Variants in SLC26A8 observed in about 807,000 individuals in gnomAD.
SLC26A8 encodes the protein solute carrier family 26 member 8, also known as testis anion transporter 1.
In SLC26A8, 70 loss-of-function variants were observed where a neutral mutation model predicts 105.0. That is an observed-to-expected ratio of 0.67 (90% CI 0.55 to 0.81). SLC26A8 has a LOEUF of 0.81. Among genes scored for constraint, SLC26A8 ranks in the 40% least tolerant of loss-of-function variants. The probability of loss-of-function intolerance (pLI) is 0.00; values close to 1 mark genes in which losing one functional copy is unlikely to be tolerated. For synonymous variants in SLC26A8, 415 were observed against 438.3 expected (o/e 0.95, Z 0.66); for missense variants, 998 against 1,181.8 (o/e 0.84, Z 2.28).
Position 35,954,969 on chromosome 6 carries a change from T to C in SLC26A8, c.2232+183A>G, listed in dbSNP as rs2127294046. 5.7e-6 allele frequency: 4 copies of C among 706,166 alleles called. No homozygotes were observed. In the East Asian group the frequency reaches 1.0e-4, roughly 18 times the overall value. 43.7% of individuals were successfully genotyped at this position (706,166 alleles called of 1,614,324 possible). A position where few individuals can be genotyped will look rare whatever the true frequency, so the allele number is the denominator to read the frequency against. ...CAAAAAAGAAAAAAGAAAAAAGAAT[T>C]GGTTCATTCTCTTTTTATTTTGATT... On this transcript the variant is annotated intron_variant, in intron 17 of 19. Transcript: ENST00000490799.
intron 19 of SLC26A8, among the ~76,000 whole-genome samples, chr6:35,947,536 G>T (rs748688832): frequency 2.0e-5 from 3 of 152,180 alleles, no homozygotes; most frequent in Non-Finnish European, 4.4e-5. Flanking sequence ...GGAATTAACA[G>T]TGAAACCTCT....
At chr6:35,962,662 G>A (rs368880223) in intron 11 of SLC26A8, 41 bp from the exon 12 acceptor site, 1 of 1,592,324 alleles carries the variant, frequency 6.3e-7, no homozygotes, top group Non-Finnish European at 8.6e-7. Context: ...TTCCCTTTGG[G>A]GTGTAAAACT....
At position 35,969,029 on chromosome 6, in the gene SLC26A8, T is replaced by G. The variant is rs577329579; in HGVS notation, c.1288-75A>C. 61 of 1,307,196 alleles carry G rather than the reference T, an allele frequency of 4.7e-5. No individual in the cohort carries two copies. The South Asian group carries it at 7.1e-4, about 15-fold the overall frequency. The allele number at this position is 1,307,196 out of a possible 1,614,324, so 81.0% of individuals were successfully genotyped here. A position where few individuals can be genotyped will look rare whatever the true frequency, so the allele number is the denominator to read the frequency against. On this transcript the variant is annotated intron_variant, in intron 10 of 19. Coordinates refer to ENST00000490799, the MANE Select transcript of SLC26A8 (RefSeq NM_052961.4). Reference sequence around the variant, plus strand: ...CCTGTCTGCAACTGAGGCCTTCTGCTTGGTGAGAAGCATGTCAATTTTTCT... The same window carrying G: ...CCTGTCTGCAACTGAGGCCTTCTGCGTGGTGAGAAGCATGTCAATTTTTCT...
intron 7 of SLC26A8, among the ~76,000 whole-genome samples, chr6:35,986,180 A>G (rs1201695772): frequency 6.6e-6 from 1 of 151,938 alleles, no homozygotes; most frequent in Non-Finnish European, 1.5e-5. Context: ...GATTACAGGC[A>G]TGTGCCATGA....
rs115558320 is a variant in SLC26A8 at position 36,017,212 on chromosome 6, G to A, written c.188+2308C>T. Among the ~76,000 whole-genome samples, 4 of 83,892 alleles carry A rather than the reference G, an allele frequency of 4.8e-5. No individual in the cohort carries two copies. In the South Asian group the frequency reaches 1.5e-3, roughly 32 times the overall value. The allele number at this position is 83,892 out of a possible 152,430, so 55.0% of individuals were successfully genotyped here. A position where few individuals can be genotyped will look rare whatever the true frequency, so the allele number is the denominator to read the frequency against. ...AAAGAAGAATGGAAGGAAGGAAGGA[G>A]AAAAGAAAAGAAAAGAAAAGATGCA... On this transcript the variant is annotated intron_variant, in intron 2 of 19. Coordinates refer to ENST00000490799, the MANE Select transcript of SLC26A8 (RefSeq NM_052961.4).
intron 16 of SLC26A8, among the ~76,000 whole-genome samples, chr6:35,956,105 TA>T (rs1352445111): frequency 2.6e-5 from 4 of 151,692 alleles, no homozygotes; most frequent in African/African-American, 9.7e-5. Context: ...AAAAAATAAA[TA>T]AGAATAAAAA....
At chr6:35,971,369 C>CT (rs35903333) in intron 10 of SLC26A8, among the ~76,000 whole-genome samples, 25,625 of 152,208 alleles carry the variant, frequency 0.17, 2,311 homozygotes, top group Middle Eastern at 0.23. Context: ...TGAGCAAAGA[C>CT]TGACTGTGCC....
chr6:35,973,489 C>T (rs887861555), intron 10 of SLC26A8, among the ~76,000 whole-genome samples: 1 of 152,144 alleles, frequency 6.6e-6, no homozygotes, highest in Admixed American at 6.5e-5. Flanking sequence ...CCCAGGACAG[C>T]TTTGGATGCA....
chr6:35,962,000 C>T (rs540938399), intron 12 of SLC26A8, among the ~76,000 whole-genome samples: 10 of 152,182 alleles, frequency 6.6e-5, no homozygotes, highest in African/African-American at 1.7e-4. Flanking sequence ...GGCTGAGGCA[C>T]GTGGATCACA....
intron 11 of SLC26A8, among the ~76,000 whole-genome samples, chr6:35,968,595 G>GTGAAATATACATATGTGTTTA (rs1301127907): frequency 2.1e-5 from 1 of 48,414 alleles, no homozygotes. Context: ...GTGTATGTGT[G>GTGAAATATACATATGTGTTTA]TGTGTGTGTG....
intron 8 of SLC26A8, 37 bp from the exon 9 acceptor site, chr6:35,977,388 G>T: frequency 6.3e-7 from 1 of 1,593,194 alleles, no homozygotes; most frequent in South Asian, 1.1e-5. Flanking sequence ...TGGATAGCAG[G>T]AATCCTTTCT....
chr6:35,951,103 C>T lies in SLC26A8; in HGVS notation c.2472+60G>A, dbSNP rs2127290060. On this transcript the variant is annotated intron_variant, in intron 19 of 19. Coordinates refer to ENST00000490799, the MANE Select transcript of SLC26A8 (RefSeq NM_052961.4). ...CTCCCAGCCCCCAACCACCCCTCACCCATCCCCCCACTGCCCTCAATCCCT... is the reference window on the plus strand; with the variant it reads ...CTCCCAGCCCCCAACCACCCCTCACTCATCCCCCCACTGCCCTCAATCCCT... 4.1e-6 allele frequency: 6 copies of T among 1,459,068 alleles called. No homozygotes were observed. The South Asian group carries it at 5.8e-5, about 14-fold the overall frequency. 90.4% of individuals were successfully genotyped at this position (1,459,068 alleles called of 1,614,324 possible).
chr6:36,000,237 T>C, intron 3 of SLC26A8, 129 bp from the exon 4 acceptor site: 1 of 629,534 alleles, frequency 1.6e-6, no homozygotes, highest in South Asian at 2.0e-5. Flanking sequence ...ATAGTATTTC[T>C]GGACATACAA....
At chr6:35,972,790 A>G (rs1772847119) in intron 10 of SLC26A8, among the ~76,000 whole-genome samples, 1 of 152,238 alleles carries the variant, frequency 6.6e-6, no homozygotes, top group Admixed American at 6.5e-5. Flanking sequence ...AATGCTAAAA[A>G]TGGGCTTGCT....
intron 7 of SLC26A8, among the ~76,000 whole-genome samples, chr6:35,991,237 T>C (rs371886801): frequency 1.2e-4 from 12 of 101,224 alleles, no homozygotes; most frequent in Non-Finnish European, 2.4e-5. Flanking sequence ...CCTGTCTCTA[T>C]TAAAAAAAAT....
chr6:36,023,476 G>A (rs943032717), intron 1 of SLC26A8, among the ~76,000 whole-genome samples: 5 of 149,794 alleles, frequency 3.3e-5, no homozygotes, highest in African/African-American at 1.2e-4. Flanking sequence ...GAACCTAGGA[G>A]GCAGAGGTTG....
chr6:35,996,289 A>G (rs970887525), intron 5 of SLC26A8, among the ~76,000 whole-genome samples: 1 of 152,190 alleles, frequency 6.6e-6, no homozygotes, highest in African/African-American at 2.4e-5. Context: ...GTGAAAATCA[A>G]CTAGAGACTG....
At chr6:35,984,678 A>C (rs1351408010) in intron 7 of SLC26A8, among the ~76,000 whole-genome samples, 1 of 152,102 alleles carries the variant, frequency 6.6e-6, no homozygotes, top group Admixed American at 6.6e-5. Flanking sequence ...CCATGGTCAA[A>C]CCACAGCATT....
At chr6:36,015,858 C>T (rs554702270) in intron 2 of SLC26A8, among the ~76,000 whole-genome samples, 43 of 152,142 alleles carry the variant, frequency 2.8e-4, no homozygotes, top group African/African-American at 1.0e-3. Flanking sequence ...TTGTCACCAA[C>T]ATGCCAACAT....
Sources: gnomAD v4.1 joint callset for allele counts (sites outside exome capture counted in the v4.1 genomes callset) on GRCh38, gnomAD v4.1.1 for gene constraint, MANE v1.5 for transcripts, NCBI Gene and HGNC (gene_info 2026-07-23, HGNC 2026-07-21) for gene names.